Variants in AMBRA1 observed in about 807,000 individuals in gnomAD.
The protein encoded by AMBRA1 is autophagy and beclin 1 regulator 1.
AMBRA1 carries 47 observed loss-of-function variants against 125.4 expected under a neutral mutation model. That is an observed-to-expected ratio of 0.37 (90% CI 0.30 to 0.48). The LOEUF (loss-of-function observed/expected upper bound fraction) is 0.48, where lower values mean the gene tolerates loss of function less well. Among genes scored for constraint, AMBRA1 ranks in the 20% least tolerant of loss-of-function variants. AMBRA1 has a pLI of 0.99. For synonymous variants in AMBRA1, 626 were observed against 655.5 expected, an observed-to-expected ratio of 0.95 and a Z score of 0.69; for missense variants, 1,331 against 1,693.4, an observed-to-expected ratio of 0.79 and a Z score of 3.76.
chr11:46,477,648 G>T (rs774743448), intron 11 of AMBRA1, among the ~76,000 whole-genome samples: 1 of 151,868 alleles, frequency 6.6e-6, no homozygotes, highest in Non-Finnish European at 1.5e-5. Context: ...TTGAGGACAC[G>T]TCTTTATTGT....
intron 1 of AMBRA1, among the ~76,000 whole-genome samples, chr11:46,561,917 T>G (rs1046891688): frequency 2.0e-5 from 3 of 152,170 alleles, no homozygotes; most frequent in African/African-American, 7.2e-5. Context: ...TGGGGAAGGA[T>G]GTAAAAGCAC....
chr11:46,514,124 CAG>C (rs1234794822), intron 7 of AMBRA1, among the ~76,000 whole-genome samples: 5 of 152,310 alleles, frequency 3.3e-5, no homozygotes, highest in African/African-American at 9.6e-5. Flanking sequence ...GGCTCCCTGC[CAG>C]ACTCTTCTTT....
intron 11 of AMBRA1, among the ~76,000 whole-genome samples, chr11:46,470,827 T>A (rs977692889): frequency 4.6e-5 from 7 of 152,126 alleles, no homozygotes; most frequent in African/African-American, 9.7e-5. Flanking sequence ...TGTTTACTCA[T>A]CAGACAAATA....
At chr11:46,457,859 T>C (rs1437956797) in intron 11 of AMBRA1, among the ~76,000 whole-genome samples, 7 of 150,754 alleles carry the variant, frequency 4.6e-5, no homozygotes, top group Non-Finnish European at 7.4e-5. Flanking sequence ...TGAGTCGAGA[T>C]TGCGCCACTG....
intron 16 of AMBRA1, among the ~76,000 whole-genome samples, 164 bp from the exon 17 acceptor site, chr11:46,408,870 CT>C (rs1946148467): frequency 6.6e-6 from 1 of 152,270 alleles, no homozygotes; most frequent in South Asian, 2.1e-4. Context: ...GTTAACTTGT[CT>C]GTGTCCATTC....
intron 1 of AMBRA1, among the ~76,000 whole-genome samples, chr11:46,566,701 G>GT (rs2043545523): frequency 6.6e-6 from 1 of 152,104 alleles, no homozygotes; most frequent in South Asian, 2.1e-4. Context: ...TGCAAAAATT[G>GT]TAACAGTAAG....
intron 14 of AMBRA1, among the ~76,000 whole-genome samples, chr11:46,419,780 T>C (rs1396878501): frequency 6.6e-6 from 1 of 152,028 alleles, no homozygotes; most frequent in Non-Finnish European, 1.5e-5. Flanking sequence ...ATTATAATTA[T>C]TTTTCTGACT....
At chr11:46,578,553 T>G (rs114618008) in intron 1 of AMBRA1, among the ~76,000 whole-genome samples, 1 of 151,422 alleles carries the variant, frequency 6.6e-6, no homozygotes, top group African/African-American at 2.4e-5. Flanking sequence ...TATGGCTAAT[T>G]AGACTCTGGG....
chr11:46,537,003 G>A (rs147123306), intron 7 of AMBRA1, among the ~76,000 whole-genome samples: 1 of 152,324 alleles, frequency 6.6e-6, no homozygotes, highest in African/African-American at 2.4e-5. Context: ...GCTTCTAGGA[G>A]GAGATTGAGA....
intron 3 of AMBRA1, 128 bp downstream of exon 3, chr11:46,547,689 G>T (rs747612817): frequency 5.7e-6 from 5 of 871,742 alleles, no homozygotes; most frequent in Non-Finnish European, 8.9e-6. Flanking sequence ...TTTCCGACAC[G>T]GGGCCAAAGT....
At chr11:46,588,880 C>T (rs985281456) in intron 1 of AMBRA1, among the ~76,000 whole-genome samples, 1 of 151,890 alleles carries the variant, frequency 6.6e-6, no homozygotes, top group Admixed American at 6.6e-5. Context: ...CACAGCTCTA[C>T]TATACCTACT....
Position 46,417,914 on chromosome 11 carries a change from C to A in AMBRA1, c.3115G>T (p.Glu1039Ter). The A allele has an allele frequency of 6.2e-7, 1 of 1,608,348 alleles. No individual in the cohort carries two copies. Reference sequence around the variant, plus strand: ...ACCCCCACACTTTAAGCCACTTACTCTGGTCGGCAGATCACCAGGTCTCCT... The same window carrying A: ...ACCCCCACACTTTAAGCCACTTACTATGGTCGGCAGATCACCAGGTCTCCT... The part of the protein sequence containing the change: ...NKGDLVICRP[E>*]ALNSGVEYYW... The change falls in exon 15 of 18, where the codon GAG becomes TAG. Residue 1039 changes from glutamate (E) to a stop codon, truncating the protein, a stop_gained and splice_region_variant. Transcript: ENST00000683756. LOFTEE classifies it high-confidence loss of function.
At chr11:46,404,453 G>C (rs370320087) in intron 17 of AMBRA1, among the ~76,000 whole-genome samples, 44 of 152,366 alleles carry the variant, frequency 2.9e-4, no homozygotes, top group South Asian at 1.0e-3. Context: ...TCAGAGCAAG[G>C]CTCCTTGCCC....
At chr11:46,553,738 C>A (rs1250599121) in intron 1 of AMBRA1, among the ~76,000 whole-genome samples, 1 of 151,250 alleles carries the variant, frequency 6.6e-6, no homozygotes, top group East Asian at 1.9e-4. Flanking sequence ...GAGTGAGACT[C>A]CATCTCAAAA....
chr11:46,441,970 CTT>C (rs764444865), intron 12 of AMBRA1, among the ~76,000 whole-genome samples: 29 of 116,560 alleles, frequency 2.5e-4, no homozygotes, highest in Non-Finnish European at 2.7e-4. Flanking sequence ...AAAAAAAAAA[CTT>C]TTTTTTTTTT....
In AMBRA1 at chr11:46,413,825, ACTGT is replaced by A. The variant is rs530263723; in HGVS notation, c.3117-3461_3117-3458del. Among the ~76,000 whole-genome samples the A allele has an allele frequency of 4.7e-3, 710 of 152,336 alleles. 4 individuals carry two copies. The highest frequency in any genetic ancestry group is 0.021 in the South Asian group (99 of 4,820). ...TAGCTTTCAATACCCAGTGTCACTG[ACTGT>A]CTGTGAGCTAAAGAATGATCCCAAC... On this transcript the variant is annotated intron_variant, in intron 15 of 17. Coordinates refer to ENST00000683756, the MANE Select transcript of AMBRA1 (RefSeq NM_001387011.1).
At chr11:46,462,219 C>G (rs530184703) in intron 11 of AMBRA1, among the ~76,000 whole-genome samples, 1 of 152,174 alleles carries the variant, frequency 6.6e-6, no homozygotes, top group Non-Finnish European at 1.5e-5. Flanking sequence ...CAAGTGAGCA[C>G]GGCGGTGTAA....
intron 1 of AMBRA1, among the ~76,000 whole-genome samples, chr11:46,561,571 G>T (rs534317128): frequency 6.6e-6 from 1 of 152,064 alleles, no homozygotes; most frequent in Non-Finnish European, 1.5e-5. Context: ...TTGAATTCAG[G>T]CTTTTCCTTC....
chr11:46,417,241 G>T (rs966122829), intron 15 of AMBRA1, among the ~76,000 whole-genome samples: 1 of 151,920 alleles, frequency 6.6e-6, no homozygotes, highest in African/African-American at 2.4e-5. Flanking sequence ...TAGTAGAGAC[G>T]GGGTTTTACC....
Sources: gnomAD v4.1 joint callset for allele counts (sites outside exome capture counted in the v4.1 genomes callset) on GRCh38, gnomAD v4.1.1 for gene constraint, MANE v1.5 for transcripts, NCBI Gene and HGNC (gene_info 2026-07-23, HGNC 2026-07-21) for gene names.